ODR4: variants seen among roughly 807,000 people sequenced by gnomAD.
ODR4 encodes the protein odr-4 GPCR localization factor homolog.
In ODR4, 47 loss-of-function variants were observed where a neutral mutation model predicts 60.2. The observed-to-expected ratio is 0.78, with a 90% CI of 0.62 to 1.00. The LOEUF is 1.00. Among genes scored for constraint, ODR4 ranks in the 50% least tolerant of loss-of-function variants. ODR4 has a pLI of 0.00. For missense variants in ODR4, 488 were observed against 530.8 expected, an observed-to-expected ratio of 0.92 and a Z score of 0.79; for synonymous variants, 178 against 175.5, an observed-to-expected ratio of 1.01 and a Z score of -0.11.
intron 13 of ODR4, among the ~76,000 whole-genome samples, chr1:186,418,060 A>G (rs1661639240): frequency 6.6e-6 from 1 of 152,206 alleles, no homozygotes; most frequent in Non-Finnish European, 1.5e-5. Context: ...AAAGGCTCTA[A>G]GAATTACTTT....
At chr1:186,392,870 G>A (rs1660521642) in intron 8 of ODR4, among the ~76,000 whole-genome samples, 1 of 152,144 alleles carries the variant, frequency 6.6e-6, no homozygotes, top group South Asian at 2.1e-4. Context: ...CGGGTGTGGT[G>A]GCAGGTGCCT....
intron 1 of ODR4, among the ~76,000 whole-genome samples, chr1:186,376,849 C>G (rs1487919976): frequency 6.6e-6 from 1 of 152,178 alleles, no homozygotes; most frequent in Non-Finnish European, 1.5e-5. Flanking sequence ...GTTTTCAGAT[C>G]TGCTAGGATT....
At chr1:186,418,436 G>T (rs1314694467) in intron 13 of ODR4, among the ~76,000 whole-genome samples, 1 of 151,800 alleles carries the variant, frequency 6.6e-6, no homozygotes, top group Admixed American at 6.6e-5. Flanking sequence ...GACTACAGGC[G>T]CCCGCCACCG....
intron 11 of ODR4, among the ~76,000 whole-genome samples, chr1:186,399,755 T>A (rs1234257109): frequency 6.6e-6 from 1 of 152,150 alleles, no homozygotes; most frequent in Non-Finnish European, 1.5e-5. Flanking sequence ...ACTATTTATA[T>A]AAACTACACT....
intron 1 of ODR4, among the ~76,000 whole-genome samples, chr1:186,376,314 G>T (rs1331896471): frequency 1.3e-5 from 2 of 152,160 alleles, no homozygotes; most frequent in African/African-American, 4.8e-5. Flanking sequence ...GAAAACTGTT[G>T]TAACTGAAGT....
At chr1:186,394,129 G>C in intron 9 of ODR4, 114 bp downstream of exon 9, 1 of 626,682 alleles carries the variant, frequency 1.6e-6, no homozygotes, top group Non-Finnish European at 2.7e-6. Context: ...GTAAGAGACT[G>C]TATGAAATGG....
intron 9 of ODR4, among the ~76,000 whole-genome samples, chr1:186,394,281 T>G (rs1660585689): frequency 1.3e-5 from 2 of 152,226 alleles, no homozygotes; most frequent in Middle Eastern, 6.8e-3. Flanking sequence ...CATATACATG[T>G]ATGTATGTGT....
intron 6 of ODR4, 106 bp from the exon 7 acceptor site, chr1:186,390,605 T>G (rs890129977): frequency 8.9e-7 from 1 of 1,128,142 alleles, no homozygotes; most frequent in Non-Finnish European, 1.3e-6. Flanking sequence ...ATGTTAGATA[T>G]GAGTTTGTAT....
At chr1:186,376,758 G>A (rs1373385302) in intron 1 of ODR4, among the ~76,000 whole-genome samples, 1 of 152,156 alleles carries the variant, frequency 6.6e-6, no homozygotes, top group Admixed American at 6.5e-5. Context: ...TAAGCCCACA[G>A]TATTATCATA....
intron 4 of ODR4, 79 bp downstream of exon 4, chr1:186,386,162 C>A: frequency 1.4e-6 from 1 of 729,212 alleles, no homozygotes; most frequent in South Asian, 2.6e-5. Context: ...TGTAATGATT[C>A]TAGGCATATT....
chr1:186,418,297 T>TC (rs1303307472), intron 13 of ODR4, among the ~76,000 whole-genome samples: 2 of 146,336 alleles, frequency 1.4e-5, no homozygotes, highest in East Asian at 3.9e-4. Context: ...TTCTTTTTTT[T>TC]TTTTTTTTTT....
chr1:186,406,261 A>G lies in ODR4; in HGVS notation c.1179A>G (p.Thr393=), dbSNP rs748251933. 6.2e-7 allele frequency: 1 copy of G among 1,600,486 alleles called. No homozygotes were observed. The highest frequency in any genetic ancestry group is 1.1e-5 in the South Asian group (1 of 88,442). ...QIEDLEIAEE[T]NTACMSSSMN... ...AAGATTTGGAAATTGCAGAGGAAAC[A>G]AACACAGGTCATTATATGATGCTAT... Residue 393 remains threonine, a synonymous_variant, in exon 12 of 14, where the codon ACA becomes ACG. Transcript: ENST00000287859.
chr1:186,394,867 C>G (rs1660610261), intron 9 of ODR4, among the ~76,000 whole-genome samples: 1 of 152,130 alleles, frequency 6.6e-6, no homozygotes, highest in South Asian at 2.1e-4. Context: ...GTATTTTAGT[C>G]TCTGATTTTC....
the ODR4 span, among the ~76,000 whole-genome samples, chr1:186,428,329 T>C: frequency 1.3e-5 from 2 of 152,202 alleles, no homozygotes; most frequent in African/African-American, 4.8e-5. Flanking sequence ...GTTATTGAGA[T>C]AGCTTCTCTC....
At position 186,420,929 on chromosome 1, in the gene ODR4, C is replaced by T. The variant is rs919946526; in HGVS notation, c.*1853C>T. On this transcript the variant is annotated 3_prime_UTR_variant, in exon 14 of 14. Transcript: ENST00000287859. ...TACCAAACATATATTTAAATAAAAT[C>T]CAGGCCTAGACTCAAGGTATTGTAA... 3.3e-5 allele frequency: 5 copies of T among 152,050 alleles called. No individual in the cohort carries two copies. Among genetic ancestry groups the T allele is most frequent in the African/African-American group, 1.2e-4 (5 of 41,380 alleles). The allele number at this position is 152,050 out of a possible 1,614,324, so 9.4% of individuals were successfully genotyped here. A position where few individuals can be genotyped will look rare whatever the true frequency, so the allele number is the denominator to read the frequency against.
chr1:186,433,281 T>G, the ODR4 span, among the ~76,000 whole-genome samples: 2 of 152,158 alleles, frequency 1.3e-5, no homozygotes, highest in Non-Finnish European at 2.9e-5. Flanking sequence ...AGTAATATTT[T>G]CTTGATGTTC....
chr1:186,423,227 T>C (rs1661825045), downstream of ODR4, among the ~76,000 whole-genome samples: 1 of 150,328 alleles, frequency 6.7e-6, no homozygotes, highest in South Asian at 2.2e-4. Context: ...AATGAGGGAA[T>C]ACTTGCCAGC....
Position 186,383,057 on chromosome 1 carries a change from T to TAG in ODR4, c.137_138dup (p.Thr47GlufsTer43). 1 of 1,582,574 alleles carries TAG rather than the reference T, an allele frequency of 6.3e-7. No individual in the cohort carries two copies. Among genetic ancestry groups the TAG allele is most frequent in the Non-Finnish European group, 8.6e-7 (1 of 1,163,198 alleles). ...AAAAGGATTATGTGATTCTTGCCACTAGAACGCCACCCAAAGAGGAGCAAA... is the reference window on the plus strand; with the variant it reads ...AAAAGGATTATGTGATTCTTGCCACTAGAGAACGCCACCCAAAGAGGAGCAAA... On this transcript the variant is annotated frameshift_variant, in exon 3 of 14. Transcript: ENST00000287859. LOFTEE classifies it high-confidence loss of function.
intron 1 of ODR4, among the ~76,000 whole-genome samples, chr1:186,378,228 T>C (rs939359884): frequency 6.6e-6 from 1 of 152,216 alleles, no homozygotes; most frequent in African/African-American, 2.4e-5. Flanking sequence ...GTATCAGATA[T>C]ACCACCCCAG....
Sources: gnomAD v4.1 joint callset for allele counts (sites outside exome capture counted in the v4.1 genomes callset) on GRCh38, gnomAD v4.1.1 for gene constraint, MANE v1.5 for transcripts, NCBI Gene and HGNC (gene_info 2026-07-23, HGNC 2026-07-21) for gene names.